DIAPH3: variants seen among roughly 807,000 people sequenced by gnomAD.
DIAPH3 encodes diaphanous related formin 3, also known as protein diaphanous homolog 3.
In DIAPH3, 117 loss-of-function variants were observed where a neutral mutation model predicts 144.3. That is an observed-to-expected ratio of 0.81 (90% CI 0.70 to 0.95). The LOEUF (loss-of-function observed/expected upper bound fraction) is 0.95. DIAPH3 is among the 40% of genes least tolerant of loss of function. DIAPH3 has a pLI of 0.00. For synonymous variants in DIAPH3, 519 were observed against 488.9 expected, an observed-to-expected ratio of 1.06 and a Z score of -0.81; for missense variants, 1,421 against 1,412.7, an observed-to-expected ratio of 1.01 and a Z score of -0.09.
chr13:60,162,783 A>ACTCTCTCT (rs148955859), intron 1 of DIAPH3, among the ~76,000 whole-genome samples: 7 of 132,968 alleles, frequency 5.3e-5, no homozygotes, highest in Admixed American at 2.4e-4. Context: ...CAAATGCTGT[A>ACTCTCTCT]CTCTCTCTCT....
intron 20 of DIAPH3, among the ~76,000 whole-genome samples, chr13:59,893,596 C>G (rs2045931241): frequency 1.3e-5 from 2 of 151,840 alleles, no homozygotes; most frequent in Non-Finnish European, 2.9e-5. Flanking sequence ...TAAAAGCAGA[C>G]ATAACCAGTA....
chr13:59,863,823 T>C (rs1046510652), intron 21 of DIAPH3, among the ~76,000 whole-genome samples: 1 of 152,148 alleles, frequency 6.6e-6, no homozygotes, highest in Non-Finnish European at 1.5e-5. Flanking sequence ...ATGACTCCAT[T>C]GACTACCTAG....
chr13:60,137,495 G>C (rs959063320), intron 1 of DIAPH3, among the ~76,000 whole-genome samples: 1 of 152,164 alleles, frequency 6.6e-6, no homozygotes, highest in Admixed American at 6.5e-5. Context: ...TCCACACACA[G>C]TGAAAAAGAT....
At chr13:60,139,715 C>A (rs904038422) in intron 1 of DIAPH3, among the ~76,000 whole-genome samples, 1 of 152,140 alleles carries the variant, frequency 6.6e-6, no homozygotes, top group Non-Finnish European at 1.5e-5. Flanking sequence ...CAGAGGCTAA[C>A]CTAACAAGTC....
intron 27 of DIAPH3, among the ~76,000 whole-genome samples, chr13:59,740,404 AATAAG>A (rs1454402623): frequency 6.6e-6 from 1 of 152,174 alleles, no homozygotes; most frequent in African/African-American, 2.4e-5. Context: ...GTAAGAGTTA[AATAAG>A]ATAATAGATA....
At chr13:59,903,098 G>A (rs2046537772) in intron 20 of DIAPH3, among the ~76,000 whole-genome samples, 1 of 152,014 alleles carries the variant, frequency 6.6e-6, no homozygotes, top group South Asian at 2.1e-4. Context: ...ATTGACAGAC[G>A]AGATCAAAGA....
chr13:60,047,856 A>G (rs1420814639), intron 4 of DIAPH3, among the ~76,000 whole-genome samples: 1 of 152,236 alleles, frequency 6.6e-6, no homozygotes, highest in Admixed American at 6.5e-5. Flanking sequence ...AATATTTGCA[A>G]TACAGTTAAG....
At chr13:59,830,632 C>A (rs1354332623) in intron 24 of DIAPH3, among the ~76,000 whole-genome samples, 2 of 151,682 alleles carry the variant, frequency 1.3e-5, no homozygotes, top group Non-Finnish European at 2.9e-5. Flanking sequence ...ACATGAAATG[C>A]CAAGTTACCC....
chr13:59,897,326 T>G (rs1448434866), intron 20 of DIAPH3, among the ~76,000 whole-genome samples: 1 of 152,230 alleles, frequency 6.6e-6, no homozygotes, highest in African/African-American at 2.4e-5. Context: ...ATTATGAGGT[T>G]GTCTATATCA....
intron 1 of DIAPH3, among the ~76,000 whole-genome samples, chr13:60,148,454 G>T (rs187989401): frequency 3.3e-5 from 5 of 152,324 alleles, no homozygotes; most frequent in Admixed American, 3.3e-4. Context: ...TATAGCTAGT[G>T]ACTATCAAAT....
intron 27 of DIAPH3, among the ~76,000 whole-genome samples, chr13:59,711,933 G>C (rs542889252): frequency 6.0e-4 from 91 of 152,272 alleles, no homozygotes; most frequent in African/African-American, 2.1e-3. Context: ...CTTGGCATGA[G>C]GCAACCTGGC....
chr13:59,884,781 C>CA (rs34055848), intron 20 of DIAPH3, among the ~76,000 whole-genome samples: 115,715 of 136,482 alleles, frequency 0.85, 48,766 homozygotes, highest in Admixed American at 0.9. Flanking sequence ...AGAAAGGCTT[C>CA]AAAAAAAAAA....
intron 24 of DIAPH3, among the ~76,000 whole-genome samples, chr13:59,831,709 T>C (rs1339131178): frequency 6.6e-6 from 1 of 151,814 alleles, no homozygotes; most frequent in African/African-American, 2.4e-5. Context: ...GCCCCAGGTA[T>C]ATAAAACGCC....
intron 20 of DIAPH3, among the ~76,000 whole-genome samples, chr13:59,882,250 G>A (rs769214226): frequency 1.1e-4 from 17 of 151,886 alleles, no homozygotes; most frequent in Admixed American, 2.6e-4. Flanking sequence ...CACCACGCCC[G>A]GCTAATTTTT....
chr13:59,863,348 T>C (rs1259171924), intron 21 of DIAPH3, among the ~76,000 whole-genome samples: 3 of 152,150 alleles, frequency 2.0e-5, no homozygotes, highest in Non-Finnish European at 2.9e-5. Flanking sequence ...GCATACCTAA[T>C]TGGGCACAGT....
chr13:60,155,170 T>C (rs1951962940), intron 1 of DIAPH3, among the ~76,000 whole-genome samples: 1 of 152,156 alleles, frequency 6.6e-6, no homozygotes, highest in Non-Finnish European at 1.5e-5. Flanking sequence ...CAGAAGCAAT[T>C]GCTACAAGAT....
intron 9 of DIAPH3, among the ~76,000 whole-genome samples, chr13:60,005,636 A>G (rs567391804): frequency 1.3e-5 from 2 of 152,078 alleles, no homozygotes; most frequent in South Asian, 2.1e-4. Flanking sequence ...ACCCACCACC[A>G]TGCCCGGCTA....
intron 1 of DIAPH3, among the ~76,000 whole-genome samples, chr13:60,148,795 A>C (rs1439006215): frequency 6.6e-6 from 1 of 152,200 alleles, no homozygotes; most frequent in Non-Finnish European, 1.5e-5. Flanking sequence ...CCTGACTCAA[A>C]AAAAAGCCCA....
intron 22 of DIAPH3, among the ~76,000 whole-genome samples, chr13:59,856,470 G>T (rs1011931516): frequency 1.5e-4 from 23 of 152,280 alleles, no homozygotes; most frequent in African/African-American, 5.5e-4. Flanking sequence ...AGGGGCATAA[G>T]GAAATGATTT....
Sources: gnomAD v4.1 joint callset for allele counts (sites outside exome capture counted in the v4.1 genomes callset) on GRCh38, gnomAD v4.1.1 for gene constraint, MANE v1.5 for transcripts, NCBI Gene and HGNC (gene_info 2026-07-23, HGNC 2026-07-21) for gene names.